The following INSL6 variants were observed in gnomAD, a reference collection of about 807,000 sequenced individuals.
INSL6 encodes the protein insulin like 6.
In INSL6, 16 loss-of-function variants were observed where a neutral mutation model predicts 9.4. That is an observed-to-expected ratio of 1.70 (90% CI 1.15 to 2.59). INSL6 has a LOEUF of 2.59. Among genes scored for constraint, INSL6 ranks in the 30% most tolerant of loss-of-function variants. The pLI, the probability that INSL6 is intolerant of heterozygous loss-of-function variation, is 0.00. For missense variants in INSL6, 391 were observed against 257.3 expected (o/e 1.52, Z -3.56); for synonymous variants, 154 against 96.9 (o/e 1.59, Z -3.46).
chr9:5,159,437 C>G (rs1186894732), downstream of INSL6, among the ~76,000 whole-genome samples: 3 of 151,096 alleles, frequency 2.0e-5, no homozygotes, highest in African/African-American at 2.4e-5. Flanking sequence ...CATACATAGA[C>G]TCAAAATAAA....
chr9:5,125,853 T>C (rs1326126980), intron 3 of INSL6: 1 of 152,060 alleles, frequency 6.6e-6, no homozygotes, highest in Middle Eastern at 3.4e-3. Flanking sequence ...TTATAAGAGC[T>C]GTCTATATTG....
At chr9:5,088,351 A>G in the INSL6 span, among the ~76,000 whole-genome samples, 1 of 152,230 alleles carries the variant, frequency 6.6e-6, no homozygotes, top group South Asian at 2.1e-4. Context: ...ATAACTGAAA[A>G]TATAGTCACT....
At chr9:5,184,480 A>C (rs1461048210) in intron 1 of INSL6, among the ~76,000 whole-genome samples, 1 of 152,240 alleles carries the variant, frequency 6.6e-6, no homozygotes, top group African/African-American at 2.4e-5. Context: ...AGACTGCTTG[A>C]AAGCATCAAG....
At chr9:5,173,638 A>C (rs1024234702) in intron 1 of INSL6, among the ~76,000 whole-genome samples, 2 of 152,192 alleles carry the variant, frequency 1.3e-5, no homozygotes, top group African/African-American at 4.8e-5. Flanking sequence ...GGCCAGCATC[A>C]GGAAAAATAG....
the INSL6 span, among the ~76,000 whole-genome samples, chr9:5,063,694 A>C: frequency 6.6e-6 from 1 of 152,146 alleles, no homozygotes; most frequent in Non-Finnish European, 1.5e-5. Flanking sequence ...GTTGCATAAG[A>C]GTGTTTTGAA....
At chr9:5,039,076 C>G in the INSL6 span, among the ~76,000 whole-genome samples, 4 of 152,100 alleles carry the variant, frequency 2.6e-5, no homozygotes, top group Non-Finnish European at 5.9e-5. Context: ...GACTGAATGC[C>G]TTTTCCCTAT....
At chr9:5,155,234 C>A (rs924259366) in intron 2 of INSL6, among the ~76,000 whole-genome samples, 3 of 150,398 alleles carry the variant, frequency 2.0e-5, no homozygotes, top group African/African-American at 7.3e-5. Flanking sequence ...GACAAAAAAC[C>A]AAACACTGCA....
chr9:5,043,405 A>C, the INSL6 span, among the ~76,000 whole-genome samples: 1 of 152,236 alleles, frequency 6.6e-6, no homozygotes, highest in Non-Finnish European at 1.5e-5. Context: ...CGATGGGATA[A>C]TAATAGGTCT....
intron 3 of INSL6, chr9:5,126,736 C>T: frequency 6.2e-7 from 1 of 1,611,104 alleles, no homozygotes; most frequent in East Asian, 2.2e-5. Context: ...CAACGCCCCT[C>T]CTTTAGGGAT....
the INSL6 span, among the ~76,000 whole-genome samples, chr9:5,039,425 T>C: frequency 6.6e-6 from 1 of 152,152 alleles, no homozygotes; most frequent in Non-Finnish European, 1.5e-5. Context: ...TAAAGTATAC[T>C]GAAGGATGTG....
At chr9:5,006,551 G>A in the INSL6 span, among the ~76,000 whole-genome samples, 1 of 152,114 alleles carries the variant, frequency 6.6e-6, no homozygotes, top group East Asian at 1.9e-4. Context: ...CTGTACACAA[G>A]GCATGGCTGG....
the INSL6 span, among the ~76,000 whole-genome samples, chr9:5,018,061 T>C: frequency 6.6e-6 from 1 of 152,230 alleles, no homozygotes; most frequent in East Asian, 1.9e-4. Context: ...CCATTCTCTA[T>C]CTTTTAAGTG....
the INSL6 span, among the ~76,000 whole-genome samples, chr9:5,035,974 G>A: frequency 0.28 from 43,075 of 151,768 alleles, 6,478 homozygotes; most frequent in African/African-American, 0.38. Flanking sequence ...TTGTATATCT[G>A]GAAAACCCCA....
intron 1 of INSL6, among the ~76,000 whole-genome samples, chr9:5,168,169 C>T (rs936046013): frequency 8.5e-5 from 13 of 152,204 alleles, no homozygotes; most frequent in East Asian, 1.9e-4. Flanking sequence ...AGTGCCTCTT[C>T]TCCAAATGAT....
chr9:5,177,637 C>T (rs1777044491), intron 1 of INSL6, among the ~76,000 whole-genome samples: 1 of 152,226 alleles, frequency 6.6e-6, no homozygotes, highest in Non-Finnish European at 1.5e-5. Flanking sequence ...GTCCCACTTC[C>T]ACAGCACCTC....
chr9:5,183,783 A>G (rs185387742), intron 1 of INSL6, among the ~76,000 whole-genome samples: 37 of 151,902 alleles, frequency 2.4e-4, no homozygotes, highest in Middle Eastern at 3.4e-3. Flanking sequence ...AGAAAAAAAA[A>G]AGAGAGAGAC....
At chr9:5,043,150 G>A in the INSL6 span, among the ~76,000 whole-genome samples, 1 of 152,224 alleles carries the variant, frequency 6.6e-6, no homozygotes, top group East Asian at 1.9e-4. Context: ...TGTGCAGGGG[G>A]GTCTGCGGGC....
downstream of INSL6, among the ~76,000 whole-genome samples, chr9:5,159,219 G>A (rs1463547038): frequency 2.6e-5 from 4 of 151,928 alleles, no homozygotes; most frequent in Non-Finnish European, 1.5e-5. Flanking sequence ...AAGACAGGAA[G>A]AAAGAAAAGG....
the INSL6 span, among the ~76,000 whole-genome samples, chr9:5,035,464 C>A: frequency 1.3e-5 from 2 of 152,178 alleles, no homozygotes; most frequent in African/African-American, 4.8e-5. Context: ...CCTTGATGAA[C>A]ATTGATGCAA....
Sources: allele counts gnomAD v4.1 joint callset (sites outside exome capture counted in the v4.1 genomes callset), GRCh38; gene constraint gnomAD v4.1.1; transcripts MANE v1.5; gene names NCBI Gene and HGNC (gene_info 2026-07-23, HGNC 2026-07-21).